The following BEND2 variants were observed in gnomAD, a reference collection of about 807,000 sequenced individuals.
The protein encoded by BEND2 is BEN domain-containing protein 2.
Under a neutral mutation model 43.8 loss-of-function variants are expected in BEND2, and 19 were observed. The ratio of observed to expected loss-of-function variants is 0.43; its 90% CI spans 0.30 to 0.64. BEND2 has a LOEUF of 0.64. Among genes scored for constraint, BEND2 ranks in the 30% least tolerant of loss-of-function variants. The probability of loss-of-function intolerance (pLI) is 0.11; values close to 1 mark genes in which losing one functional copy is unlikely to be tolerated. For missense variants in BEND2, 544 were observed against 574.0 expected, an observed-to-expected ratio of 0.95 and a Z score of 0.53; for synonymous variants, 226 against 210.1, an observed-to-expected ratio of 1.08 and a Z score of -0.66.
chrX:18,188,061 A>G (rs368718530), intron 8 of BEND2, among the ~76,000 whole-genome samples: 6 of 111,542 alleles, frequency 5.4e-5, no homozygotes, highest in African/African-American at 2.0e-4. Flanking sequence ...TATAGCTATA[A>G]GTGCCTACAT....
At chrX:18,187,753 C>G (rs186101798) in intron 8 of BEND2, among the ~76,000 whole-genome samples, 10 of 111,909 alleles carry the variant, frequency 8.9e-5, no homozygotes, top group Admixed American at 3.8e-4. Flanking sequence ...AAGGATTGAC[C>G]ATATGTTAAG....
chrX:18,177,008 A>G (rs1363575407), intron 10 of BEND2, among the ~76,000 whole-genome samples: 1 of 110,662 alleles, frequency 9.0e-6, no homozygotes, highest in Non-Finnish European at 1.9e-5. Flanking sequence ...ACTGGGATGT[A>G]TCTGTTTCCA....
chrX:18,174,187 C>T lies in BEND2; in HGVS notation c.1824G>A (p.Arg608=). 1 of 1,211,736 alleles carries T rather than the reference C, an allele frequency of 8.3e-7. No individual in the cohort carries two copies. The highest frequency in any genetic ancestry group is 1.1e-6 in the Non-Finnish European group (1 of 895,467). ...ASASADRNDQ[R]GRDGGEGCSW... ...AACAGCCTTCACCACCATCTCTGCC[C>T]CTTTGGTCATTTCTATCTGCAGATG... is the stretch of plus-strand genomic sequence containing the variant. Residue 608 remains arginine, a synonymous_variant, in exon 12 of 14, where the codon AGG becomes AGA. Coordinates refer to ENST00000380033, the MANE Select transcript of BEND2 (RefSeq NM_153346.5).
At chrX:18,188,810 A>G (rs1208027800) in intron 8 of BEND2, among the ~76,000 whole-genome samples, 2 of 112,211 alleles carry the variant, frequency 1.8e-5, no homozygotes, top group Non-Finnish European at 1.9e-5. Flanking sequence ...AGCTAGACAA[A>G]GACACATCAA....
intron 11 of BEND2, 61 bp downstream of exon 11, chrX:18,175,911 G>C (rs940748682): frequency 3.8e-6 from 4 of 1,039,965 alleles, no homozygotes; most frequent in Non-Finnish European, 5.1e-6. Flanking sequence ...TATCAGTTCT[G>C]AAACTGTACA....
Position 18,177,575 on chromosome X carries a change from A to G in BEND2, c.1624T>C (p.Leu542=). ...TCACTTTATGTACACATACCTCTCA[A>G]TGCAGCCATTTTGTTCGGGTCGAGG... is the stretch of plus-strand genomic sequence containing the variant. ...QSLDPNKMAA[L]REYLATTFPT... Residue 542 remains leucine (L), a synonymous_variant, in exon 10 of 14, where the codon TTG becomes CTG. Coordinates refer to ENST00000380033, the MANE Select transcript of BEND2 (RefSeq NM_153346.5). 2 of 1,208,032 alleles carry G rather than the reference A, an allele frequency of 1.7e-6. No homozygotes were observed.
At chrX:18,204,813 G>A (rs977506386) in intron 4 of BEND2, among the ~76,000 whole-genome samples, 3 of 111,478 alleles carry the variant, frequency 2.7e-5, no homozygotes, top group Non-Finnish European at 5.6e-5. Flanking sequence ...TGATGAAGAC[G>A]CTGCACATCA....
chrX:18,212,265 T>C (rs1462743086), intron 4 of BEND2, among the ~76,000 whole-genome samples: 1 of 109,333 alleles, frequency 9.1e-6, no homozygotes, highest in East Asian at 2.9e-4. Context: ...AAGCTAATTT[T>C]TTTTTTTATT....
At chrX:18,201,177 C>T (rs755389577) in intron 6 of BEND2, among the ~76,000 whole-genome samples, 5 of 110,072 alleles carry the variant, frequency 4.5e-5, no homozygotes, top group East Asian at 2.9e-4. Context: ...ACAGATCACC[C>T]GAGGTTGAGA....
rs184573005 is a variant in BEND2 at position 18,168,343 on chromosome X, G to A, written c.2185+2658C>T. ...AAAGTGATTGGATTGACCCTGTTTAGGTAGAGAAGGGATAACCAGGACAAA... is the reference window on the plus strand; with the variant it reads ...AAAGTGATTGGATTGACCCTGTTTAAGTAGAGAAGGGATAACCAGGACAAA... On this transcript the variant is annotated intron_variant, in intron 13 of 13. Transcript: ENST00000380033. Among the ~76,000 whole-genome samples the A allele has an allele frequency of 7.8e-4, 87 of 111,804 alleles. 2 individuals are homozygous for A. Among genetic ancestry groups the A allele is most frequent in the African/African-American group, 2.8e-3 (86 of 30,784 alleles).
intron 10 of BEND2, among the ~76,000 whole-genome samples, chrX:18,176,562 C>G (rs1602028053): frequency 9.2e-6 from 1 of 108,572 alleles, no homozygotes; most frequent in Non-Finnish European, 1.9e-5. Context: ...ACCTGTGGGC[C>G]TAGCTACTCA....
At chrX:18,197,715 C>A (rs1244874261) in intron 6 of BEND2, among the ~76,000 whole-genome samples, 1 of 111,435 alleles carries the variant, frequency 9.0e-6, no homozygotes, top group Non-Finnish European at 1.9e-5. Flanking sequence ...GAACTCTCAA[C>A]CGTGAATTTA....
intron 6 of BEND2, among the ~76,000 whole-genome samples, chrX:18,195,661 G>T (rs1924919471): frequency 9.0e-6 from 1 of 110,563 alleles, no homozygotes; most frequent in African/African-American, 3.3e-5. Flanking sequence ...CAAGTGGATT[G>T]CCTGAGCCCA....
chrX:18,210,151 G>A (rs1364790620), intron 4 of BEND2, among the ~76,000 whole-genome samples: 1 of 110,439 alleles, frequency 9.1e-6, no homozygotes, highest in Non-Finnish European at 1.9e-5. Context: ...ATTCAGGAGA[G>A]AGAGATATTT....
chrX:18,216,578 G>A lies in BEND2; in HGVS notation c.181C>T (p.Gln61Ter). The stretch of plus-strand genomic sequence containing the variant: ...TCATTGCCGCCTGGAAAATTTGGTT[G>A]TGTGGCTGTGTCATCAGTGGGATTA... ...ADNPTDDTAT[Q>*]PNFPGGNDGH... Residue 61 changes from glutamine to a stop codon, truncating the protein, a stop_gained, in exon 2 of 14, where the codon CAA becomes TAA. Transcript: ENST00000380033. LOFTEE classifies it high-confidence loss of function. The A allele has an allele frequency of 8.3e-7, 1 of 1,208,607 alleles. No homozygotes were observed. Among genetic ancestry groups the A allele is most frequent in the Non-Finnish European group, 1.1e-6 (1 of 892,730 alleles).
intron 2 of BEND2, among the ~76,000 whole-genome samples, 188 bp downstream of exon 2, chrX:18,216,333 A>C (rs1405343308): frequency 9.0e-6 from 1 of 110,663 alleles, no homozygotes; most frequent in East Asian, 2.8e-4. Context: ...CACACAGAAC[A>C]AAGGAGACAT....
intron 8 of BEND2, among the ~76,000 whole-genome samples, chrX:18,190,285 C>T (rs1037546203): frequency 1.5e-4 from 17 of 111,753 alleles, no homozygotes; most frequent in African/African-American, 5.5e-4. Flanking sequence ...CTCTGGTTGT[C>T]ATAGCTGCTT....
At chrX:18,168,042 C>G in intron 13 of BEND2, among the ~76,000 whole-genome samples, 1 of 112,625 alleles carries the variant, frequency 8.9e-6, no homozygotes, top group Non-Finnish European at 1.9e-5. Context: ...TAATATTTCA[C>G]TGAAAAAGCA....
intron 1 of BEND2, among the ~76,000 whole-genome samples, chrX:18,218,597 T>C (rs1415079082): frequency 8.9e-6 from 1 of 112,767 alleles, no homozygotes; most frequent in African/African-American, 3.2e-5. Flanking sequence ...GCGTGGTGGC[T>C]CTCACTCGTA....
Sources: allele counts gnomAD v4.1 joint callset (sites outside exome capture counted in the v4.1 genomes callset), GRCh38; gene constraint gnomAD v4.1.1; transcripts MANE v1.5; gene names NCBI Gene and HGNC (gene_info 2026-07-23, HGNC 2026-07-21).